CCDC73: variants seen among roughly 807,000 people sequenced by gnomAD.
The protein encoded by CCDC73 is coiled-coil domain containing 73.
CCDC73 carries 95 observed loss-of-function variants against 116.5 expected under a neutral mutation model. The ratio of observed to expected loss-of-function variants is 0.82; its 90% CI spans 0.69 to 0.97. The LOEUF (loss-of-function observed/expected upper bound fraction) is 0.97. CCDC73 is among the 50% of genes least tolerant of loss of function. The probability of loss-of-function intolerance (pLI) is 0.00; values close to 1 mark genes in which losing one functional copy is unlikely to be tolerated. For synonymous variants in CCDC73, 398 were observed against 401.3 expected, an observed-to-expected ratio of 0.99 and a Z score of 0.10; for missense variants, 1,066 against 1,206.8, an observed-to-expected ratio of 0.88 and a Z score of 1.73.
intron 14 of CCDC73, among the ~76,000 whole-genome samples, chr11:32,617,528 C>T (rs920821175): frequency 2.6e-5 from 4 of 152,142 alleles, no homozygotes; most frequent in African/African-American, 9.7e-5. Context: ...GGAGAGAACA[C>T]ACGGGGCAGA....
chr11:32,824,648 G>A, the CCDC73 span, among the ~76,000 whole-genome samples: 1 of 152,182 alleles, frequency 6.6e-6, no homozygotes, highest in Admixed American at 6.5e-5. Context: ...TACAAACATG[G>A]GTAAATGTTG....
In CCDC73 at chr11:32,613,700, G is replaced by A; in HGVS notation, c.2618C>T (p.Pro873Leu). 6.2e-7 allele frequency: 1 copy of A among 1,614,010 alleles called. No individual in the cohort carries two copies. The highest frequency in any genetic ancestry group is 8.5e-7 in the Non-Finnish European group (1 of 1,179,992). The part of the protein sequence containing the change: ...LEESHSFHIE[P>L]SGDLVNRSGR... ...GCTTCTGTTTACTAAATCTCCAGAT[G>A]GCTCTATGTGAAATGAATGTGATTC... The change falls in exon 16 of 18, where the codon CCA (proline) becomes CTA (leucine). Residue 873 changes from proline to leucine, a missense_variant. Coordinates refer to ENST00000335185, the MANE Select transcript of CCDC73 (RefSeq NM_001008391.4).
chr11:32,638,985 TA>T (rs1488197539), intron 13 of CCDC73, among the ~76,000 whole-genome samples: 5 of 151,356 alleles, frequency 3.3e-5, no homozygotes, highest in Non-Finnish European at 7.4e-5. Flanking sequence ...CCATCTCTAC[TA>T]AAGTACAAAA....
the CCDC73 span, among the ~76,000 whole-genome samples, chr11:32,812,683 A>G: frequency 1.3e-5 from 2 of 151,596 alleles, no homozygotes; most frequent in Non-Finnish European, 2.9e-5. Context: ...AAAAAAAAAA[A>G]AAAAATTAGT....
intron 2 of CCDC73, among the ~76,000 whole-genome samples, chr11:32,737,479 A>C (rs923230939): frequency 2.3e-4 from 35 of 152,112 alleles, no homozygotes; most frequent in African/African-American, 4.8e-5. Context: ...CCGTGAGGGC[A>C]TGGTGGCACA....
chr11:32,677,808 C>T (rs976457358), intron 7 of CCDC73, among the ~76,000 whole-genome samples: 5 of 151,428 alleles, frequency 3.3e-5, no homozygotes, highest in African/African-American at 7.3e-5. Flanking sequence ...AAAAATTAGC[C>T]GGGCATGGTG....
At chr11:32,661,901 T>C (rs1337667102) in intron 9 of CCDC73, among the ~76,000 whole-genome samples, 4 of 152,052 alleles carry the variant, frequency 2.6e-5, no homozygotes, top group Non-Finnish European at 5.9e-5. Flanking sequence ...GTTCTCATTG[T>C]TCAATTCCCA....
At chr11:32,673,082 AAAC>A (rs773404408) in intron 9 of CCDC73, among the ~76,000 whole-genome samples, 7 of 152,256 alleles carry the variant, frequency 4.6e-5, no homozygotes, top group Non-Finnish European at 1.0e-4. Context: ...ATAAGAAAAC[AAAC>A]AACCCAATTA....
intron 1 of CCDC73, among the ~76,000 whole-genome samples, chr11:32,777,311 G>A (rs562938354): frequency 1.3e-5 from 2 of 151,758 alleles, no homozygotes; most frequent in Non-Finnish European, 1.5e-5. Flanking sequence ...TGCCATGTTG[G>A]CCATGCTGGT....
chr11:32,660,442 T>C (rs574574082), intron 9 of CCDC73, among the ~76,000 whole-genome samples: 5 of 152,042 alleles, frequency 3.3e-5, no homozygotes, highest in African/African-American at 1.2e-4. Context: ...CTACATCTTT[T>C]CAAAGTGCTT....
the CCDC73 span, among the ~76,000 whole-genome samples, chr11:32,806,904 T>A: frequency 6.6e-6 from 1 of 152,158 alleles, no homozygotes; most frequent in South Asian, 2.1e-4. Context: ...ACTGCTACTA[T>A]GGGTCTGAGT....
At chr11:32,717,576 T>C (rs1849956917) in intron 3 of CCDC73, among the ~76,000 whole-genome samples, 1 of 152,150 alleles carries the variant, frequency 6.6e-6, no homozygotes, top group Non-Finnish European at 1.5e-5. Flanking sequence ...TTTCTTGAGA[T>C]TTTAAAATAA....
At chr11:32,741,985 A>T (rs1036376289) in intron 2 of CCDC73, among the ~76,000 whole-genome samples, 3 of 152,148 alleles carry the variant, frequency 2.0e-5, no homozygotes, top group African/African-American at 7.2e-5. Flanking sequence ...AAAGGACATG[A>T]ACTCATCCTT....
chr11:32,805,133 G>A, the CCDC73 span, among the ~76,000 whole-genome samples: 1 of 152,194 alleles, frequency 6.6e-6, no homozygotes, highest in African/African-American at 2.4e-5. Flanking sequence ...CTCAGGCTGA[G>A]TAGAGTGAGT....
intron 2 of CCDC73, among the ~76,000 whole-genome samples, chr11:32,741,237 CT>C (rs927893601): frequency 6.6e-5 from 10 of 151,838 alleles, no homozygotes; most frequent in African/African-American, 2.4e-4. Flanking sequence ...GACTTTCTGT[CT>C]GGATGATCTG....
chr11:32,734,923 T>C (rs1259444669), intron 2 of CCDC73, among the ~76,000 whole-genome samples: 1 of 152,152 alleles, frequency 6.6e-6, no homozygotes, highest in Non-Finnish European at 1.5e-5. Context: ...AAAAACCACA[T>C]GATTATCTCA....
chr11:32,791,219 C>T (rs1301584865), intron 1 of CCDC73, among the ~76,000 whole-genome samples: 1 of 152,064 alleles, frequency 6.6e-6, no homozygotes, highest in African/African-American at 2.4e-5. Flanking sequence ...AGCAAATAAA[C>T]GAATTAGGAA....
At chr11:32,611,550 T>A (rs1169097137) in intron 16 of CCDC73, among the ~76,000 whole-genome samples, 1 of 152,136 alleles carries the variant, frequency 6.6e-6, no homozygotes, top group Non-Finnish European at 1.5e-5. Context: ...ACAAAATAAC[T>A]CATAAAATGT....
Position 32,635,527 on chromosome 11 carries a change from T to G in CCDC73, c.1185+169A>C, listed in dbSNP as rs953321415. On this transcript the variant is annotated intron_variant, in intron 14 of 17. Transcript: ENST00000335185. The stretch of plus-strand genomic sequence containing the variant: ...TTCATATAAAAAAATGACCTTCAAT[T>G]CTTATGTCATACTGTATACAAAAAT... Among the ~76,000 whole-genome samples the G allele has an allele frequency of 2.0e-5, 3 of 152,142 alleles. No individual in the cohort carries two copies. In the East Asian group the frequency reaches 5.8e-4, roughly 29 times the overall value.
Sources: gnomAD v4.1 joint callset for allele counts (sites outside exome capture counted in the v4.1 genomes callset) on GRCh38, gnomAD v4.1.1 for gene constraint, MANE v1.5 for transcripts, NCBI Gene and HGNC (gene_info 2026-07-23, HGNC 2026-07-21) for gene names.